The following DDAH1 variants were observed in gnomAD, a reference collection of about 807,000 sequenced individuals.
DDAH1 encodes the protein N(G),N(G)-dimethylarginine dimethylaminohydrolase 1.
In DDAH1, 19 loss-of-function variants were observed where a neutral mutation model predicts 28.8. The ratio of observed to expected loss-of-function variants is 0.66; its 90% CI spans 0.46 to 0.97. DDAH1 has a LOEUF of 0.97. Ranked by LOEUF, DDAH1 falls within the 50% of genes least tolerant of loss-of-function variation. The probability of loss-of-function intolerance (pLI) is 0.00; values close to 1 mark genes in which losing one functional copy is unlikely to be tolerated. For missense variants in DDAH1, 326 were observed against 375.9 expected (o/e 0.87, Z 1.10); for synonymous variants, 153 against 154.4 (o/e 0.99, Z 0.07).
chr1:85,334,688 C>T (rs953472843), intron 4 of DDAH1, among the ~76,000 whole-genome samples: 1 of 152,194 alleles, frequency 6.6e-6, no homozygotes, highest in Non-Finnish European at 1.5e-5. Context: ...CCCAGCCATG[C>T]CTCTTGTACA....
At chr1:85,564,981 G>C (rs948257462) in intron 1 of DDAH1, among the ~76,000 whole-genome samples, 1 of 152,036 alleles carries the variant, frequency 6.6e-6, no homozygotes, top group Non-Finnish European at 1.5e-5. Context: ...CGGATCACGA[G>C]GTCAGTAGTT....
intron 4 of DDAH1, among the ~76,000 whole-genome samples, chr1:85,337,657 T>C (rs2100814335): frequency 6.6e-6 from 1 of 152,286 alleles, no homozygotes; most frequent in East Asian, 1.9e-4. Flanking sequence ...TTTCACCATA[T>C]TGGCCAGGCT....
intron 2 of DDAH1, among the ~76,000 whole-genome samples, chr1:85,480,670 G>A (rs1247545906): frequency 6.6e-6 from 1 of 152,098 alleles, no homozygotes; most frequent in Non-Finnish European, 1.5e-5. Context: ...ACTTGAATTG[G>A]GGAGATGGAA....
intron 1 of DDAH1, among the ~76,000 whole-genome samples, chr1:85,376,544 T>C (rs757245276): frequency 6.6e-6 from 1 of 152,146 alleles, no homozygotes; most frequent in Non-Finnish European, 1.5e-5. Flanking sequence ...TCCAGGCAGT[T>C]TTCCAGTGAG....
intron 1 of DDAH1, among the ~76,000 whole-genome samples, chr1:85,434,861 A>T (rs1443112613): frequency 3.3e-5 from 5 of 152,112 alleles, no homozygotes; most frequent in Non-Finnish European, 7.4e-5. Flanking sequence ...ACAATATTAA[A>T]TACAGGATAT....
At chr1:85,350,381 A>G in intron 4 of DDAH1, 34 bp downstream of exon 4, 1 of 1,602,868 alleles carries the variant, frequency 6.2e-7, no homozygotes. Flanking sequence ...AGGCACCCCC[A>G]CTACATTTAG....
intron 4 of DDAH1, among the ~76,000 whole-genome samples, chr1:85,336,961 CA>C (rs1402022943): frequency 1.3e-5 from 2 of 152,028 alleles, no homozygotes; most frequent in Non-Finnish European, 2.9e-5. Context: ...TACTAGCAAA[CA>C]AAATCCAACA....
In DDAH1 at chr1:85,464,529, T is replaced by A. The variant is rs1209539011; in HGVS notation, c.303+214A>T. On this transcript the variant is annotated intron_variant, in intron 1 of 5. Transcript: ENST00000284031. This position sits in a 1 kb window ranked among gnomAD's most constrained non-coding sequence, Gnocchi z 4.4. ...GACCGTACAACCACATTGAATCGGA[T>A]CCTCCAGAAGGCTGCCGGCAGCCGG... 3 of 1,527,552 alleles carry A rather than the reference T, an allele frequency of 2.0e-6. No individual in the cohort carries two copies. Among genetic ancestry groups the A allele is most frequent in the Non-Finnish European group, 2.6e-6 (3 of 1,142,418 alleles). 94.6% of individuals were successfully genotyped at this position (1,527,552 alleles called of 1,614,324 possible).
chr1:85,534,378 A>T (rs1374607605), intron 1 of DDAH1, among the ~76,000 whole-genome samples: 2 of 152,202 alleles, frequency 1.3e-5, no homozygotes, highest in Non-Finnish European at 2.9e-5. Flanking sequence ...GTAATATTTA[A>T]CACATCCCTT....
chr1:85,405,730 G>C (rs977813060), intron 1 of DDAH1, among the ~76,000 whole-genome samples: 5 of 152,104 alleles, frequency 3.3e-5, no homozygotes, highest in Admixed American at 2.6e-4. Flanking sequence ...CTATGAAAAA[G>C]AGAGAGCCTC....
chr1:85,416,412 A>G (rs1469316480), intron 1 of DDAH1, among the ~76,000 whole-genome samples: 1 of 151,906 alleles, frequency 6.6e-6, no homozygotes, highest in South Asian at 2.1e-4. Context: ...CCAGGCTGGT[A>G]TCAAACTTCT....
intron 1 of DDAH1, among the ~76,000 whole-genome samples, chr1:85,569,544 T>C (rs945871745): frequency 2.0e-5 from 3 of 152,212 alleles, no homozygotes; most frequent in Non-Finnish European, 4.4e-5. Flanking sequence ...ATTGTCTCAA[T>C]TCTCACTTTC....
intron 1 of DDAH1, among the ~76,000 whole-genome samples, chr1:85,404,223 A>G (rs936097061): frequency 6.6e-6 from 1 of 152,228 alleles, no homozygotes; most frequent in Admixed American, 6.5e-5. Context: ...GCAAGTATTG[A>G]GCATTTAATG....
chr1:85,411,974 A>C (rs979154950), intron 1 of DDAH1, among the ~76,000 whole-genome samples: 4 of 152,210 alleles, frequency 2.6e-5, no homozygotes, highest in African/African-American at 7.2e-5. Flanking sequence ...CTCCACTGAT[A>C]TCATTAGAAC....
intron 1 of DDAH1, among the ~76,000 whole-genome samples, chr1:85,378,186 G>A (rs757888094): frequency 3.9e-5 from 6 of 152,146 alleles, no homozygotes; most frequent in Admixed American, 6.5e-5. Flanking sequence ...GATAGAGCAG[G>A]TGTAAGCTAT....
upstream of DDAH1, chr1:85,467,263 C>G (rs1655422401): frequency 6.6e-6 from 1 of 152,250 alleles, no homozygotes; most frequent in Non-Finnish European, 1.5e-5. Context: ...AGCTGGCCAC[C>G]ATCTAGCAAT....
At chr1:85,481,305 C>T (rs988929249) in intron 2 of DDAH1, among the ~76,000 whole-genome samples, 1 of 151,984 alleles carries the variant, frequency 6.6e-6, no homozygotes, top group Admixed American at 6.6e-5. Flanking sequence ...ACCATGTTGA[C>T]CAGGCTGGTC....
intron 1 of DDAH1, among the ~76,000 whole-genome samples, chr1:85,568,085 A>G (rs1446565205): frequency 6.6e-6 from 1 of 152,070 alleles, no homozygotes; most frequent in Non-Finnish European, 1.5e-5. Context: ...AACCTGAGTC[A>G]AAAAAAATCA....
chr1:85,509,890 A>T (rs1051489877), intron 1 of DDAH1, among the ~76,000 whole-genome samples: 1 of 152,204 alleles, frequency 6.6e-6, no homozygotes, highest in Non-Finnish European at 1.5e-5. Flanking sequence ...GATGGGGAGA[A>T]TGGAACCAAG....
Sources: gnomAD v4.1 joint callset for allele counts (sites outside exome capture counted in the v4.1 genomes callset) on GRCh38, gnomAD v4.1.1 for gene constraint, Gnocchi (gnomAD v3.1) non-coding constraint, MANE v1.5 for transcripts, NCBI Gene and HGNC (gene_info 2026-07-23, HGNC 2026-07-21) for gene names.